Variants in ZNF516 observed in about 807,000 individuals in gnomAD.
ZNF516 encodes the protein zinc finger protein 516.
In ZNF516, 19 loss-of-function variants were observed where a neutral mutation model predicts 79.7. That is an observed-to-expected ratio of 0.24 (90% CI 0.17 to 0.35). ZNF516 has a LOEUF of 0.35. Among genes scored for constraint, ZNF516 ranks in the 10% least tolerant of loss-of-function variants. ZNF516 has a pLI of 1.00. For missense variants in ZNF516, 1,678 were observed against 1,679.5 expected (o/e 1.00, Z 0.02); for synonymous variants, 877 against 739.5 (o/e 1.19, Z -3.02).
rs185540745 is a variant in ZNF516 at position 76,464,052 on chromosome 18, G to A, written c.-271-911C>T. ...AGAAGTGGGACTCAAGGCCGGGCGC[G>A]GGTGCTCACACCTGTCATCCCGGCA... On this transcript the variant is annotated intron_variant, in intron 1 of 6. Coordinates refer to ENST00000443185, the MANE Select transcript of ZNF516 (RefSeq NM_014643.4). 5.3e-4 allele frequency among the ~76,000 whole-genome samples: 81 copies of A among 152,188 alleles called. No individual in the cohort carries two copies. In the East Asian group the frequency reaches 0.014, roughly 25 times the overall value.
chr18:76,433,395 G>C (rs923383778), intron 3 of ZNF516, among the ~76,000 whole-genome samples: 6 of 152,218 alleles, frequency 3.9e-5, no homozygotes, highest in African/African-American at 1.4e-4. Context: ...TCAATGAGAT[G>C]GCAATTTGAG....
At chr18:76,464,928 T>G (rs994441182) in intron 1 of ZNF516, among the ~76,000 whole-genome samples, 1 of 152,182 alleles carries the variant, frequency 6.6e-6, no homozygotes, top group Non-Finnish European at 1.5e-5. Flanking sequence ...GTATCTTTAG[T>G]GATGCGGAGA....
intron 3 of ZNF516, among the ~76,000 whole-genome samples, chr18:76,412,671 C>T (rs1308957225): frequency 6.6e-6 from 1 of 152,192 alleles, no homozygotes; most frequent in Admixed American, 6.5e-5. Flanking sequence ...AGCAGGAAGT[C>T]AAGTCGTTGC....
chr18:76,496,164 G>GGGGGCGGGGGA (rs1491096409), upstream of ZNF516: 20 of 929,596 alleles, frequency 2.2e-5, no homozygotes, highest in African/African-American at 3.5e-5. Context: ...GCGGGCGCGC[G>GGGGGCGGGGGA]GGGGCGGGGG....
chr18:76,390,898 C>A (rs184418710), intron 3 of ZNF516, among the ~76,000 whole-genome samples: 178 of 152,262 alleles, frequency 1.2e-3, no homozygotes, highest in Non-Finnish European at 2.9e-4. Context: ...TTTGTAGATA[C>A]GAAACCTGAG....
chr18:76,433,158 G>GT (rs1465464867), intron 3 of ZNF516, among the ~76,000 whole-genome samples: 1 of 152,192 alleles, frequency 6.6e-6, no homozygotes, highest in Non-Finnish European at 1.5e-5. Context: ...GTTCATCGCT[G>GT]TTTCTGTTAT....
chr18:76,395,141 A>C (rs1599176226), intron 3 of ZNF516, among the ~76,000 whole-genome samples: 1 of 152,096 alleles, frequency 6.6e-6, no homozygotes, highest in East Asian at 1.9e-4. Flanking sequence ...TTTAGGTTGT[A>C]AGGGAACAAA....
chr18:76,451,704 G>A lies in ZNF516; in HGVS notation c.-157-8493C>T, dbSNP rs1287264024. Reference sequence around the variant, plus strand: ...AGTATACTGTGTGTGTTTGTTCTCCGGGAAACAATGAGACGGGCTTCACTA... The same window carrying A: ...AGTATACTGTGTGTGTTTGTTCTCCAGGAAACAATGAGACGGGCTTCACTA... On this transcript the variant is annotated intron_variant, in intron 2 of 6. Coordinates refer to ENST00000443185, the MANE Select transcript of ZNF516 (RefSeq NM_014643.4). This position sits in a 1 kb window ranked among gnomAD's most constrained non-coding sequence, Gnocchi z 6.0. Among the ~76,000 whole-genome samples the A allele has an allele frequency of 3.3e-5, 5 of 152,106 alleles. No individual in the cohort carries two copies. The highest frequency in any genetic ancestry group is 1.9e-4 in the East Asian group (1 of 5,192).
At chr18:76,495,915 A>T (rs1014642902), upstream of ZNF516, 3 of 350,936 alleles carry the variant, frequency 8.5e-6, no homozygotes, top group African/African-American at 4.4e-5. Context: ...GTCCCGCTGG[A>T]AAGACTTCAA....
intron 6 of ZNF516, among the ~76,000 whole-genome samples, chr18:76,368,698 T>C (rs1197485649): frequency 6.6e-6 from 1 of 152,228 alleles, no homozygotes; most frequent in Non-Finnish European, 1.5e-5. Context: ...TATAAGTACA[T>C]CTTTTCTATA....
At chr18:76,412,450 C>T (rs1274832431) in intron 3 of ZNF516, among the ~76,000 whole-genome samples, 2 of 152,172 alleles carry the variant, frequency 1.3e-5, no homozygotes, top group African/African-American at 4.8e-5. Context: ...TGCACACAGG[C>T]GTGACCCCAA....
At chr18:76,440,954 G>T (rs2075809731) in intron 3 of ZNF516, among the ~76,000 whole-genome samples, 1 of 152,192 alleles carries the variant, frequency 6.6e-6, no homozygotes, top group African/African-American at 2.4e-5. Context: ...GCTCCAAGGG[G>T]AGCTGATGGG....
intron 2 of ZNF516, among the ~76,000 whole-genome samples, chr18:76,452,450 C>T (rs994360659): frequency 9.2e-5 from 14 of 152,204 alleles, no homozygotes; most frequent in Non-Finnish European, 1.9e-4. Context: ...CTTTAGTACG[C>T]GAACTCTGAT....
chr18:76,495,697 G>C, upstream of ZNF516: 1 of 1,192,232 alleles, frequency 8.4e-7, no homozygotes, highest in Non-Finnish European at 1.1e-6. Flanking sequence ...CATACGTACA[G>C]ACGTGCTCGG....
upstream of ZNF516, chr18:76,495,489 T>G (rs1481764013): frequency 6.0e-6 from 1 of 166,656 alleles, no homozygotes; most frequent in Non-Finnish European, 1.3e-5. Context: ...AAACGCACAC[T>G]CCACTATTGT....
At chr18:76,389,708 A>T (rs148569515) in intron 3 of ZNF516, among the ~76,000 whole-genome samples, 2 of 152,324 alleles carry the variant, frequency 1.3e-5, no homozygotes, top group African/African-American at 4.8e-5. Context: ...AGCAGTACAA[A>T]GTAGAAACAC....
intron 6 of ZNF516, among the ~76,000 whole-genome samples, chr18:76,365,063 T>A (rs2074593569): frequency 6.6e-6 from 1 of 152,246 alleles, no homozygotes; most frequent in Non-Finnish European, 1.5e-5. Context: ...AGATTATGCA[T>A]ATATTCAAAT....
rs376879210 is a variant in ZNF516 at position 76,442,935 on chromosome 18, G to A, written c.120C>T (p.Gly40=). Residue 40 remains glycine, a synonymous_variant, in exon 3 of 7, where the codon GGC becomes GGT. Coordinates refer to ENST00000443185, the MANE Select transcript of ZNF516 (RefSeq NM_014643.4). ...KATCHTCCIC[G]KSFPFQSSLS... ...GCGAGCTCTGGAAGGGGAAGCTCTT[G>A]CCGCAGATGCAGCAGGTGTGGCAGG... The A allele has an allele frequency of 8.1e-6, 13 of 1,611,562 alleles. No individual in the cohort carries two copies. In the African/African-American group the frequency reaches 1.5e-4, roughly 18 times the overall value.
intron 3 of ZNF516, among the ~76,000 whole-genome samples, chr18:76,430,190 C>T (rs2075644654): frequency 6.6e-6 from 1 of 152,192 alleles, no homozygotes; most frequent in Admixed American, 6.5e-5. Context: ...TCTCATGGCC[C>T]TGGACCTACC....
Sources: allele counts gnomAD v4.1 joint callset (sites outside exome capture counted in the v4.1 genomes callset), GRCh38; gene constraint gnomAD v4.1.1; non-coding constraint Gnocchi (gnomAD v3.1); transcripts MANE v1.5; gene names NCBI Gene and HGNC (gene_info 2026-07-23, HGNC 2026-07-21).